DLGAP2: variants seen among roughly 807,000 people sequenced by gnomAD.
The protein encoded by DLGAP2 is DLG associated protein 2.
Under a neutral mutation model 100.3 loss-of-function variants are expected in DLGAP2, and 26 were observed. The observed-to-expected ratio is 0.26, with a 90% CI of 0.19 to 0.36. The LOEUF is 0.36. Among genes scored for constraint, DLGAP2 ranks in the 10% least tolerant of loss-of-function variants. DLGAP2 has a pLI of 1.00. For synonymous variants in DLGAP2, 886 were observed against 630.1 expected, an observed-to-expected ratio of 1.41 and a Z score of -6.08; for missense variants, 1,858 against 1,453.2, an observed-to-expected ratio of 1.28 and a Z score of -4.53.
chr8:1,212,562 A>T (rs944845277), intron 2 of DLGAP2, among the ~76,000 whole-genome samples: 1 of 152,124 alleles, frequency 6.6e-6, no homozygotes, highest in Admixed American at 6.5e-5. Flanking sequence ...TAGTGGAGAG[A>T]GAGACGTATT....
chr8:955,016 C>T (rs779615619), intron 2 of DLGAP2, among the ~76,000 whole-genome samples: 13 of 152,032 alleles, frequency 8.6e-5, no homozygotes, highest in South Asian at 2.1e-4. Flanking sequence ...TTCCACAGAA[C>T]GGTTTCATTT....
chr8:888,864 C>G (rs770468842), intron 1 of DLGAP2, among the ~76,000 whole-genome samples: 2 of 152,014 alleles, frequency 1.3e-5, no homozygotes, highest in Non-Finnish European at 2.9e-5. Context: ...TTGGGTTGCA[C>G]GAGGAGCAGG....
At chr8:1,657,103 T>A (rs1387320954) in intron 8 of DLGAP2, among the ~76,000 whole-genome samples, 1 of 152,230 alleles carries the variant, frequency 6.6e-6, no homozygotes, top group East Asian at 1.9e-4. Flanking sequence ...ATTTTTTTTT[T>A]AAAGAAAGTA....
chr8:1,063,613 ATG>A (rs1803155960), intron 2 of DLGAP2, among the ~76,000 whole-genome samples: 1 of 151,266 alleles, frequency 6.6e-6, no homozygotes, highest in African/African-American at 2.4e-5. Flanking sequence ...ATGAAATAGA[ATG>A]TCAGTAAAAG....
chr8:940,082 T>C (rs1799159466), intron 2 of DLGAP2, among the ~76,000 whole-genome samples: 1 of 151,986 alleles, frequency 6.6e-6, no homozygotes, highest in African/African-American at 2.4e-5. Flanking sequence ...GTGCTTGGAA[T>C]GTGAACGAAG....
chr8:859,726 T>C (rs373528023), intron 1 of DLGAP2, among the ~76,000 whole-genome samples: 52 of 152,250 alleles, frequency 3.4e-4, no homozygotes, highest in African/African-American at 1.2e-3. Context: ...ATTTGCTGCA[T>C]TCACTCTGGC....
chr8:831,382 C>T (rs933450285), intron 1 of DLGAP2, among the ~76,000 whole-genome samples: 2 of 152,042 alleles, frequency 1.3e-5, no homozygotes, highest in African/African-American at 2.4e-5. Flanking sequence ...CATCCCGCAA[C>T]AGGCCCCAGT....
At chr8:937,657 T>C (rs6984078) in intron 2 of DLGAP2, among the ~76,000 whole-genome samples, 64,343 of 151,996 alleles carry the variant, frequency 0.42, 14,019 homozygotes, top group Admixed American at 0.54. Flanking sequence ...GCAGGGGCCT[T>C]ATCTTGCCCA....
At chr8:1,307,884 G>A (rs117398620) in intron 3 of DLGAP2, among the ~76,000 whole-genome samples, 1,983 of 152,272 alleles carry the variant, frequency 0.013, 13 homozygotes, top group Middle Eastern at 0.031. Context: ...GGAGAACTAG[G>A]TAGTTAGAAA....
intron 2 of DLGAP2, among the ~76,000 whole-genome samples, chr8:1,202,152 G>C (rs1363540695): frequency 8.4e-6 from 1 of 118,540 alleles, no homozygotes; most frequent in Admixed American, 7.5e-5. Flanking sequence ...ATACACATGT[G>C]GTGTGTACAG....
Position 1,668,669 on chromosome 8 carries a change from C to T in DLGAP2, c.2151C>T (p.Ile717=), listed in dbSNP as rs749749145. 5.4e-5 allele frequency: 84 copies of T among 1,552,130 alleles called. No homozygotes were observed. The highest frequency in any genetic ancestry group is 6.5e-5 in the Non-Finnish European group (75 of 1,147,034). Residue 717 remains isoleucine, a synonymous_variant, in exon 9 of 15, where the codon ATC becomes ATT. Coordinates refer to ENST00000637795, the MANE Select transcript of DLGAP2 (RefSeq NM_001346810.2). ...TCCTCAAGAGCCGCTGCTCCTCCAT[C>T]GGGATTCAGGTAGCTGCTCTTGGCC... ...EELLKSRCSS[I]GIQDSEFPEH...
intron 3 of DLGAP2, among the ~76,000 whole-genome samples, chr8:1,333,960 C>G (rs1283754315): frequency 6.6e-6 from 1 of 152,196 alleles, no homozygotes; most frequent in Non-Finnish European, 1.5e-5. Flanking sequence ...GCACAGGGGC[C>G]AACACGGCGA....
rs1055984881 is a variant in DLGAP2 at position 1,291,026 on chromosome 8, C to G, written c.106+32143C>G. Among the ~76,000 whole-genome samples the G allele has an allele frequency of 2.0e-5, 3 of 152,200 alleles. No homozygotes were observed. The South Asian group carries it at 6.2e-4, about 32-fold the overall frequency. ...AGTAATACTAAAAGGAGTTCTAAAGCTTGAAACAAAAGGTCTATAGGCACC... is the reference window on the plus strand; with the variant it reads ...AGTAATACTAAAAGGAGTTCTAAAGGTTGAAACAAAAGGTCTATAGGCACC... On this transcript the variant is annotated intron_variant, in intron 3 of 14. Coordinates refer to ENST00000637795, the MANE Select transcript of DLGAP2 (RefSeq NM_001346810.2).
intron 3 of DLGAP2, among the ~76,000 whole-genome samples, chr8:1,440,811 A>G (rs954386823): frequency 6.6e-6 from 1 of 152,174 alleles, no homozygotes; most frequent in East Asian, 1.9e-4. Flanking sequence ...ATGAGGACAA[A>G]TGGCTCTTTT....
intron 4 of DLGAP2, among the ~76,000 whole-genome samples, chr8:1,531,286 C>G (rs573211316): frequency 6.9e-6 from 1 of 145,786 alleles, no homozygotes; most frequent in Admixed American, 6.8e-5. Flanking sequence ...AGGTTCTTAA[C>G]CTGGGACAAA....
intron 2 of DLGAP2, among the ~76,000 whole-genome samples, chr8:1,100,001 C>G (rs1804522546): frequency 6.6e-6 from 1 of 152,190 alleles, no homozygotes; most frequent in South Asian, 2.1e-4. Flanking sequence ...ATGGAAAATT[C>G]TAGAAATGAA....
At chr8:1,481,512 T>A (rs1799096707) in intron 3 of DLGAP2, among the ~76,000 whole-genome samples, 1 of 141,686 alleles carries the variant, frequency 7.1e-6, no homozygotes, top group Non-Finnish European at 1.5e-5. Flanking sequence ...GAGTTTTGCT[T>A]TTGTCGCCCA....
intron 2 of DLGAP2, among the ~76,000 whole-genome samples, chr8:1,226,536 G>A (rs1043999188): frequency 6.6e-6 from 1 of 152,144 alleles, no homozygotes; most frequent in African/African-American, 2.4e-5. Flanking sequence ...TAATACCAAG[G>A]TTGATGGGTG....
At chr8:981,600 T>G (rs892415865) in intron 2 of DLGAP2, among the ~76,000 whole-genome samples, 2 of 152,190 alleles carry the variant, frequency 1.3e-5, no homozygotes, top group African/African-American at 4.8e-5. Flanking sequence ...TTTTTGTTGT[T>G]TGATAGTAGC....
Sources: gnomAD v4.1 joint callset for allele counts (sites outside exome capture counted in the v4.1 genomes callset) on GRCh38, gnomAD v4.1.1 for gene constraint, MANE v1.5 for transcripts, NCBI Gene and HGNC (gene_info 2026-07-23, HGNC 2026-07-21) for gene names.